ZNF385B: variants seen among roughly 807,000 people sequenced by gnomAD.
ZNF385B encodes the protein zinc finger protein 533.
In ZNF385B, 23 loss-of-function variants were observed where a neutral mutation model predicts 39.2. The ratio of observed to expected loss-of-function variants is 0.59; its 90% CI spans 0.42 to 0.83. The LOEUF is 0.83. Among genes scored for constraint, ZNF385B ranks in the 40% least tolerant of loss-of-function variants. The pLI, the probability that ZNF385B is intolerant of heterozygous loss-of-function variation, is 0.00. For missense variants in ZNF385B, 552 were observed against 598.9 expected (o/e 0.92, Z 0.82); for synonymous variants, 205 against 222.6 (o/e 0.92, Z 0.70).
At chr2:179,473,269 T>C (rs2053003187) in intron 6 of ZNF385B, among the ~76,000 whole-genome samples, 2 of 152,138 alleles carry the variant, frequency 1.3e-5, no homozygotes, top group Admixed American at 1.3e-4. Context: ...GTGCAAATAA[T>C]TACTATGAGG....
chr2:179,851,918 C>G (rs1684195601), intron 1 of ZNF385B, among the ~76,000 whole-genome samples: 1 of 152,166 alleles, frequency 6.6e-6, no homozygotes, highest in Admixed American at 6.5e-5. Flanking sequence ...ACCTTTGACC[C>G]ATGCCAGCTA....
At chr2:179,522,830 T>C in intron 4 of ZNF385B, 1 of 385,184 alleles carries the variant, frequency 2.6e-6, no homozygotes. Context: ...AAGATGCTTT[T>C]TTAAAGAAAA....
intron 1 of ZNF385B, among the ~76,000 whole-genome samples, chr2:179,826,048 C>T (rs1437230124): frequency 1.3e-5 from 2 of 152,046 alleles, no homozygotes; most frequent in African/African-American, 4.8e-5. Flanking sequence ...TTTACATCAC[C>T]TCTGTGAGCC....
intron 3 of ZNF385B, among the ~76,000 whole-genome samples, chr2:179,743,708 G>A (rs75658559): frequency 0.021 from 3,145 of 152,170 alleles, 109 homozygotes; most frequent in African/African-American, 0.072. Context: ...GAAAGAGAAG[G>A]TTAAGGAAAG....
intron 3 of ZNF385B, among the ~76,000 whole-genome samples, chr2:179,621,776 C>G (rs958719755): frequency 2.0e-5 from 3 of 152,162 alleles, no homozygotes; most frequent in African/African-American, 7.2e-5. Flanking sequence ...CGTGTCACAC[C>G]TTTGATCACA....
intron 5 of ZNF385B, among the ~76,000 whole-genome samples, chr2:179,486,938 CA>C (rs1330702633): frequency 1.3e-5 from 2 of 151,882 alleles, no homozygotes; most frequent in Admixed American, 6.6e-5. Flanking sequence ...AAACAAAAAA[CA>C]AAAAAAAGTT....
intron 1 of ZNF385B, among the ~76,000 whole-genome samples, chr2:179,801,764 T>A (rs561899705): frequency 6.6e-6 from 1 of 151,976 alleles, no homozygotes; most frequent in Admixed American, 6.6e-5. Flanking sequence ...GGTCTTCTAA[T>A]GCATCTACAC....
At chr2:179,643,987 A>G (rs1368633766) in intron 3 of ZNF385B, among the ~76,000 whole-genome samples, 5 of 152,136 alleles carry the variant, frequency 3.3e-5, no homozygotes, top group Non-Finnish European at 7.4e-5. Flanking sequence ...AAATCTGCTT[A>G]ATTTGATTCT....
intron 1 of ZNF385B, among the ~76,000 whole-genome samples, chr2:179,849,115 A>T (rs996030795): frequency 2.0e-5 from 3 of 152,172 alleles, no homozygotes; most frequent in African/African-American, 7.2e-5. Context: ...GAGGTGTCAG[A>T]TCACAAAGAA....
intron 3 of ZNF385B, among the ~76,000 whole-genome samples, chr2:179,692,747 C>T (rs1698450917): frequency 1.3e-5 from 2 of 152,178 alleles, no homozygotes; most frequent in African/African-American, 4.8e-5. Context: ...CAAAAGAAGT[C>T]TGCTCTCATT....
chr2:179,746,460 T>G (rs1333073854), intron 3 of ZNF385B, among the ~76,000 whole-genome samples: 2 of 152,146 alleles, frequency 1.3e-5, no homozygotes, highest in Non-Finnish European at 2.9e-5. Context: ...CTTTAACTCC[T>G]AAGTGCCCAT....
chr2:179,555,856 A>C (rs1262010980), intron 3 of ZNF385B, among the ~76,000 whole-genome samples: 1 of 149,296 alleles, frequency 6.7e-6, no homozygotes, highest in African/African-American at 2.5e-5. Flanking sequence ...AGGGAAGCTC[A>C]GGGTTCTCCC....
intron 1 of ZNF385B, among the ~76,000 whole-genome samples, chr2:179,790,620 C>A (rs1705267407): frequency 6.6e-6 from 1 of 152,144 alleles, no homozygotes; most frequent in African/African-American, 2.4e-5. Context: ...ACTTCTAAGC[C>A]ATTCTCCTAC....
At chr2:179,631,630 C>T (rs989126666) in intron 3 of ZNF385B, among the ~76,000 whole-genome samples, 29 of 152,128 alleles carry the variant, frequency 1.9e-4, no homozygotes, top group African/African-American at 4.8e-4. Context: ...GCAAAATAAA[C>T]GGTGAACATC....
At chr2:179,561,712 G>A (rs1448544472) in intron 3 of ZNF385B, among the ~76,000 whole-genome samples, 2 of 151,658 alleles carry the variant, frequency 1.3e-5, no homozygotes, top group African/African-American at 4.8e-5. Flanking sequence ...AATTTCACAA[G>A]TACCTACTGT....
At chr2:179,540,504 A>AC (rs1553602967) in intron 4 of ZNF385B, among the ~76,000 whole-genome samples, 5 of 152,128 alleles carry the variant, frequency 3.3e-5, no homozygotes, top group Middle Eastern at 3.4e-3. Context: ...AACAAAAAAA[A>AC]CCACAGTTTT....
chr2:179,721,265 T>C (rs928928609), intron 3 of ZNF385B, among the ~76,000 whole-genome samples: 16 of 152,116 alleles, frequency 1.1e-4, no homozygotes, highest in East Asian at 1.9e-4. Context: ...AATAAATTTA[T>C]AATACAATGT....
intron 3 of ZNF385B, among the ~76,000 whole-genome samples, chr2:179,603,351 G>A (rs957644543): frequency 6.6e-6 from 1 of 152,168 alleles, no homozygotes; most frequent in African/African-American, 2.4e-5. Flanking sequence ...CTCAATATAT[G>A]TTAGCGATCT....
At chr2:179,852,560 C>T (rs1406288712) in intron 1 of ZNF385B, among the ~76,000 whole-genome samples, 2 of 152,110 alleles carry the variant, frequency 1.3e-5, no homozygotes, top group Admixed American at 6.5e-5. Context: ...CTGCGGCAGG[C>T]GTCCAGTGGT....
Sources: gnomAD v4.1 joint callset for allele counts (sites outside exome capture counted in the v4.1 genomes callset) on GRCh38, gnomAD v4.1.1 for gene constraint, MANE v1.5 for transcripts, NCBI Gene and HGNC (gene_info 2026-07-23, HGNC 2026-07-21) for gene names.